Variants in TTLL5 observed in about 807,000 individuals in gnomAD.
TTLL5 encodes tubulin polyglutamylase TTLL5.
Under a neutral mutation model 168.4 loss-of-function variants are expected in TTLL5, and 132 were observed. The observed-to-expected ratio is 0.78, with a 90% CI of 0.68 to 0.91. The LOEUF is 0.91. Among genes scored for constraint, TTLL5 ranks in the 40% least tolerant of loss-of-function variants. The pLI is 0.00. For synonymous variants in TTLL5, 546 were observed against 558.6 expected (o/e 0.98, Z 0.32); for missense variants, 1,545 against 1,581.5 (o/e 0.98, Z 0.39).
At chr14:75,735,679 G>C (rs913412449) in intron 15 of TTLL5, among the ~76,000 whole-genome samples, 1 of 152,094 alleles carries the variant, frequency 6.6e-6, no homozygotes, top group African/African-American at 2.4e-5. Flanking sequence ...ATGCTTTGTT[G>C]AAATAGTATC....
chr14:75,773,358 G>C (rs1891460962), intron 21 of TTLL5, among the ~76,000 whole-genome samples: 1 of 152,152 alleles, frequency 6.6e-6, no homozygotes, highest in African/African-American at 2.4e-5. Context: ...AGACAGCAGA[G>C]TAGAACTATG....
intron 27 of TTLL5, among the ~76,000 whole-genome samples, chr14:75,811,324 G>T (rs1387490924): frequency 6.6e-6 from 1 of 151,532 alleles, no homozygotes; most frequent in Non-Finnish European, 1.5e-5. Flanking sequence ...ACATTCAAGG[G>T]CCTCCCCAAG....
At chr14:75,904,686 C>G (rs912445709) in intron 31 of TTLL5, among the ~76,000 whole-genome samples, 1 of 152,150 alleles carries the variant, frequency 6.6e-6, no homozygotes, top group Non-Finnish European at 1.5e-5. Flanking sequence ...AGTGACCTTT[C>G]CCTGCTAATT....
At position 75,902,142 on chromosome 14, in the gene TTLL5, A is replaced by AG. The variant is rs753057666; in HGVS notation, c.3744dup (p.Ser1249ValfsTer15). On this transcript the variant is annotated frameshift_variant and splice_region_variant, in exon 31 of 32. Transcript: ENST00000298832. LOFTEE classifies it high-confidence loss of function. ...CTGACCAAGCTCCTTTGTGTTTCAG[A>AG]GGGTCCTCCGCGGAAGGGCAGCTGA... 46 of 1,614,094 alleles carry AG rather than the reference A, an allele frequency of 2.8e-5. No individual in the cohort carries two copies. In the South Asian group the frequency reaches 3.3e-4, roughly 12 times the overall value.
At chr14:75,932,247 A>G (rs939575037) in intron 31 of TTLL5, among the ~76,000 whole-genome samples, 1 of 152,186 alleles carries the variant, frequency 6.6e-6, no homozygotes, top group African/African-American at 2.4e-5. Context: ...AGGCTATTCT[A>G]CTTCATTCAT....
chr14:75,851,213 A>G (rs1184242665), intron 28 of TTLL5, among the ~76,000 whole-genome samples: 1 of 152,114 alleles, frequency 6.6e-6, no homozygotes, highest in Admixed American at 6.5e-5. Flanking sequence ...AGCATAGAGT[A>G]TGGACTCATT....
intron 31 of TTLL5, among the ~76,000 whole-genome samples, chr14:75,915,167 T>G (rs2033570174): frequency 6.6e-6 from 1 of 152,214 alleles, no homozygotes; most frequent in Non-Finnish European, 1.5e-5. Flanking sequence ...ATTTCTCTTT[T>G]GAACACTGAA....
intron 7 of TTLL5, among the ~76,000 whole-genome samples, chr14:75,703,905 A>G (rs1483292359): frequency 2.6e-5 from 4 of 152,224 alleles, no homozygotes; most frequent in Non-Finnish European, 5.9e-5. Flanking sequence ...AATTTTCATA[A>G]TAGTACCACT....
At chr14:75,846,765 G>A (rs1214221908) in intron 28 of TTLL5, among the ~76,000 whole-genome samples, 2 of 143,096 alleles carry the variant, frequency 1.4e-5, no homozygotes, top group African/African-American at 5.4e-5. Flanking sequence ...ACTCCAGCCT[G>A]GGCAACAAGA....
chr14:75,819,824 C>T (rs1483534981), intron 27 of TTLL5, among the ~76,000 whole-genome samples, 183 bp from the exon 28 acceptor site: 1 of 152,196 alleles, frequency 6.6e-6, no homozygotes, highest in East Asian at 1.9e-4. Context: ...CTGACACTGA[C>T]CACTCTCACT....
chr14:75,687,096 G>T (rs1885117336), intron 5 of TTLL5, among the ~76,000 whole-genome samples: 1 of 151,960 alleles, frequency 6.6e-6, no homozygotes, highest in Non-Finnish European at 1.5e-5. Flanking sequence ...TTATACCTGT[G>T]AATCAATTTT....
At chr14:75,841,713 A>G (rs781021248) in intron 28 of TTLL5, among the ~76,000 whole-genome samples, 34 of 152,102 alleles carry the variant, frequency 2.2e-4, no homozygotes, top group Admixed American at 2.6e-4. Context: ...TATTTTCTGT[A>G]GACTGAAATA....
chr14:75,915,692 T>C (rs4903355), intron 31 of TTLL5, among the ~76,000 whole-genome samples: 129,554 of 152,226 alleles, frequency 0.85, 55,252 homozygotes, highest in African/African-American at 0.89. Flanking sequence ...TAAAAATGGG[T>C]TAGAATAGAC....
At position 75,720,934 on chromosome 14, in the gene TTLL5, C is replaced by T. The variant is rs76872441; in HGVS notation, c.1042+231C>T. 2.1e-3 allele frequency among the ~76,000 whole-genome samples: 321 copies of T among 152,266 alleles called. 2 individuals are homozygous for T. Among genetic ancestry groups the T allele is most frequent in the African/African-American group, 7.1e-3 (296 of 41,548 alleles). On this transcript the variant is annotated intron_variant, in intron 12 of 31. Transcript: ENST00000298832. Reference sequence around the variant, plus strand: ...TCTGTGTGGGAAGCAGGGATTGGAACGAACGTGTTGGTCTTTCTGTCAGAG... The same window carrying T: ...TCTGTGTGGGAAGCAGGGATTGGAATGAACGTGTTGGTCTTTCTGTCAGAG...
rs1211954702 is a variant in TTLL5, at chr14:75,926,860, C to T, written c.3823+24636C>T. On this transcript the variant is annotated intron_variant, in intron 31 of 31. Coordinates refer to ENST00000298832, the MANE Select transcript of TTLL5 (RefSeq NM_015072.5). Reference sequence around the variant, plus strand: ...ATATGTCCACATAAATGTTTGTATACGAGGGTTCATAGCAACATTATTCAT... The same window carrying T: ...ATATGTCCACATAAATGTTTGTATATGAGGGTTCATAGCAACATTATTCAT... Among the ~76,000 whole-genome samples, 6 of 152,006 alleles carry T rather than the reference C, an allele frequency of 3.9e-5. No individual in the cohort carries two copies. The East Asian group carries it at 7.7e-4, about 19-fold the overall frequency.
Position 75,727,950 on chromosome 14 carries a change from AC to A in TTLL5, c.1043-4387del, listed in dbSNP as rs1207722653. The A allele has an allele frequency of 2.9e-3, 1,198 of 412,536 alleles. 13 individuals carry two copies. The highest frequency in any genetic ancestry group is 0.023 in the African/African-American group (1,130 of 48,348). 25.6% of individuals were successfully genotyped at this position (412,536 alleles called of 1,614,324 possible). On this transcript the variant is annotated intron_variant, in intron 12 of 31. Transcript: ENST00000298832. ...ATGTGGGCTGACAGGCATGTGGGTT[AC>A]ATGGATATGTCCAATTATCAAGACT...
intron 31 of TTLL5, among the ~76,000 whole-genome samples, chr14:75,953,871 AAAAG>A (rs2035033142): frequency 6.6e-6 from 1 of 152,146 alleles, no homozygotes; most frequent in South Asian, 2.1e-4. Flanking sequence ...TCCAAGAAAA[AAAAG>A]GAAAGAGAAC....
At chr14:75,848,118 G>C (rs1044801424) in intron 28 of TTLL5, among the ~76,000 whole-genome samples, 5 of 151,970 alleles carry the variant, frequency 3.3e-5, no homozygotes, top group Non-Finnish European at 5.9e-5. Flanking sequence ...TTGGCCAACT[G>C]AAGGAAGGGG....
chr14:75,679,653 C>T (rs759585081), intron 3 of TTLL5, among the ~76,000 whole-genome samples: 4 of 152,162 alleles, frequency 2.6e-5, no homozygotes, highest in Non-Finnish European at 5.9e-5. Flanking sequence ...TAAACTTGGC[C>T]CTCAAGAGCC....
Sources: allele counts gnomAD v4.1 joint callset (sites outside exome capture counted in the v4.1 genomes callset), GRCh38; gene constraint gnomAD v4.1.1; transcripts MANE v1.5; gene names NCBI Gene and HGNC (gene_info 2026-07-23, HGNC 2026-07-21).